The following PARD3 variants were observed in gnomAD, a reference collection of about 807,000 sequenced individuals.
PARD3 encodes par-3 family cell polarity regulator.
In PARD3, 75 loss-of-function variants were observed where a neutral mutation model predicts 155.4. The observed-to-expected ratio is 0.48, with a 90% CI of 0.40 to 0.58. PARD3 has a LOEUF of 0.58. PARD3 is among the 20% of genes least tolerant of loss of function. PARD3 has a pLI of 0.00. For missense variants in PARD3, 1,642 were observed against 1,721.7 expected, an observed-to-expected ratio of 0.95 and a Z score of 0.82; for synonymous variants, 576 against 610.5, an observed-to-expected ratio of 0.94 and a Z score of 0.83.
chr10:34,414,162 C>T (rs1178680335), intron 5 of PARD3, among the ~76,000 whole-genome samples: 1 of 151,482 alleles, frequency 6.6e-6, no homozygotes. Flanking sequence ...CATGCCGCTG[C>T]ACTCCAGCTT....
chr10:34,687,290 G>A (rs2093967735), intron 2 of PARD3, among the ~76,000 whole-genome samples: 1 of 152,118 alleles, frequency 6.6e-6, no homozygotes, highest in Admixed American at 6.5e-5. Context: ...CAAGGGGGCT[G>A]GGGAAGGATG....
At chr10:34,443,073 T>C (rs1220846386) in intron 5 of PARD3, among the ~76,000 whole-genome samples, 1 of 152,038 alleles carries the variant, frequency 6.6e-6, no homozygotes, top group South Asian at 2.1e-4. Context: ...ACAACTCTGG[T>C]AAGTCGTGTG....
chr10:34,513,374 G>T (rs1282565049), intron 3 of PARD3, among the ~76,000 whole-genome samples: 1 of 152,110 alleles, frequency 6.6e-6, no homozygotes, highest in Non-Finnish European at 1.5e-5. Context: ...CCACCTCCCG[G>T]GTTCAAGAGA....
intron 2 of PARD3, among the ~76,000 whole-genome samples, chr10:34,642,727 A>C (rs1590370519): frequency 3.4e-5 from 5 of 149,000 alleles, no homozygotes; most frequent in African/African-American, 7.4e-5. Flanking sequence ...CTTCCAATCC[A>C]CCTCCCTAAA....
chr10:34,672,516 GTATTA>G (rs948172028), intron 2 of PARD3, among the ~76,000 whole-genome samples: 5 of 152,132 alleles, frequency 3.3e-5, no homozygotes, highest in African/African-American at 1.2e-4. Flanking sequence ...TATCCACTTT[GTATTA>G]ATAAACACAT....
At chr10:34,807,485 A>G (rs1843551993) in intron 1 of PARD3, among the ~76,000 whole-genome samples, 3 of 152,168 alleles carry the variant, frequency 2.0e-5, no homozygotes, top group African/African-American at 7.2e-5. Context: ...CATCATCCCA[A>G]AAGGAAACCT....
At chr10:34,389,640 A>G (rs1361552359) in intron 7 of PARD3, among the ~76,000 whole-genome samples, 1 of 152,212 alleles carries the variant, frequency 6.6e-6, no homozygotes, top group African/African-American at 2.4e-5. Context: ...TATAAACATC[A>G]CAACGGTAGG....
At chr10:34,392,057 T>C (rs890897456) in intron 7 of PARD3, among the ~76,000 whole-genome samples, 2 of 152,000 alleles carry the variant, frequency 1.3e-5, no homozygotes, top group Non-Finnish European at 2.9e-5. Flanking sequence ...CTAGGGAGGC[T>C]GAGGTGGGAG....
chr10:34,711,713 A>C (rs951316120), intron 1 of PARD3, among the ~76,000 whole-genome samples: 8 of 152,238 alleles, frequency 5.3e-5, no homozygotes, highest in African/African-American at 1.9e-4. Flanking sequence ...TAATACCCCT[A>C]TTGGGTATAG....
chr10:34,191,025 G>C (rs2133262510), intron 22 of PARD3, among the ~76,000 whole-genome samples: 1 of 152,136 alleles, frequency 6.6e-6, no homozygotes, highest in South Asian at 2.1e-4. Context: ...TAACAAGGGA[G>C]CATCAGAAAG....
At chr10:34,440,079 TTC>T (rs1300610271) in intron 5 of PARD3, among the ~76,000 whole-genome samples, 5 of 152,106 alleles carry the variant, frequency 3.3e-5, no homozygotes, top group Admixed American at 2.0e-4. Context: ...TTAGGGCCAT[TTC>T]AAGACCATGT....
chr10:34,778,696 T>C lies in PARD3; in HGVS notation c.120+36180A>G, dbSNP rs190272334. Among the ~76,000 whole-genome samples, 5 of 152,322 alleles carry C rather than the reference T, an allele frequency of 3.3e-5. No homozygotes were observed. In the East Asian group the frequency reaches 9.6e-4, roughly 29 times the overall value. The stretch of plus-strand genomic sequence containing the variant: ...AGGTTCCTTTCAACTCTAAATTCTA[T>C]TTTATGAATTACATGACTAAGAAAC... On this transcript the variant is annotated intron_variant, in intron 1 of 24. Transcript: ENST00000374788.
intron 22 of PARD3, among the ~76,000 whole-genome samples, chr10:34,148,318 G>A (rs1588933715): frequency 1.3e-5 from 2 of 152,260 alleles, no homozygotes; most frequent in African/African-American, 4.8e-5. Context: ...GCTACATTAA[G>A]CCTCAGAAGT....
chr10:34,306,919 T>C (rs1280176245), intron 20 of PARD3, among the ~76,000 whole-genome samples: 1 of 152,020 alleles, frequency 6.6e-6, no homozygotes, highest in Non-Finnish European at 1.5e-5. Flanking sequence ...CGGAGTCTCG[T>C]TCTGTCCCCC....
intron 1 of PARD3, among the ~76,000 whole-genome samples, chr10:34,703,727 A>T (rs1274867069): frequency 6.6e-6 from 1 of 152,038 alleles, no homozygotes; most frequent in Non-Finnish European, 1.5e-5. Flanking sequence ...TGGTGGGGGG[A>T]AGGGAAGGAG....
At chr10:34,414,924 C>G (rs1481789576) in intron 5 of PARD3, among the ~76,000 whole-genome samples, 1 of 152,034 alleles carries the variant, frequency 6.6e-6, no homozygotes, top group Non-Finnish European at 1.5e-5. Flanking sequence ...CTTCCAGGGA[C>G]TCATGGAGAG....
At chr10:34,438,584 C>G (rs1365950867) in intron 5 of PARD3, among the ~76,000 whole-genome samples, 1 of 152,116 alleles carries the variant, frequency 6.6e-6, no homozygotes, top group Non-Finnish European at 1.5e-5. Context: ...AAAGTAGGGA[C>G]ATTATGAACT....
In PARD3 at chr10:34,400,099, A is replaced by G. The variant is rs369278173; in HGVS notation, c.807-686T>C. Among the ~76,000 whole-genome samples the G allele has an allele frequency of 1.7e-3, 254 of 152,328 alleles. 2 individuals are homozygous for G. Among genetic ancestry groups the G allele is most frequent in the African/African-American group, 5.8e-3 (243 of 41,574 alleles). Reference sequence around the variant, plus strand: ...TTACAAAACTCCTTTCTCAAAGCCAACAGGCATCTACTGCAAATCAAATAA... The same window carrying G: ...TTACAAAACTCCTTTCTCAAAGCCAGCAGGCATCTACTGCAAATCAAATAA... On this transcript the variant is annotated intron_variant, in intron 6 of 24. Transcript: ENST00000374788.
chr10:34,441,233 G>A (rs1449296265), intron 5 of PARD3, among the ~76,000 whole-genome samples: 2 of 152,098 alleles, frequency 1.3e-5, no homozygotes, highest in African/African-American at 2.4e-5. Flanking sequence ...GAGTTGTTGA[G>A]GTATAACCAA....
Sources: allele counts gnomAD v4.1 joint callset (sites outside exome capture counted in the v4.1 genomes callset), GRCh38; gene constraint gnomAD v4.1.1; transcripts MANE v1.5; gene names NCBI Gene and HGNC (gene_info 2026-07-23, HGNC 2026-07-21).